LINS1: variants seen among roughly 807,000 people sequenced by gnomAD.
LINS1 encodes the protein lines homolog 1.
LINS1 carries 27 observed loss-of-function variants against 41.6 expected under a neutral mutation model. The observed-to-expected ratio is 0.65, with a 90% CI of 0.48 to 0.89. The LOEUF (loss-of-function observed/expected upper bound fraction) is 0.89. Among genes scored for constraint, LINS1 ranks in the 40% least tolerant of loss-of-function variants. The probability of loss-of-function intolerance (pLI) is 0.00; values close to 1 mark genes in which losing one functional copy is unlikely to be tolerated. For synonymous variants in LINS1, 336 were observed against 312.9 expected (o/e 1.07, Z -0.78); for missense variants, 955 against 884.1 (o/e 1.08, Z -1.02).
At chr15:100,598,680 T>A (rs751040013) in intron 1 of LINS1, among the ~76,000 whole-genome samples, 6 of 152,244 alleles carry the variant, frequency 3.9e-5, no homozygotes, top group Admixed American at 6.5e-5. Context: ...AGGTCTGAAA[T>A]ACAATTTCTC....
Position 100,570,043 on chromosome 15 carries a change from T to C in LINS1, c.1469A>G (p.Asn490Ser). The change falls in exon 7 of 7, where the codon AAT becomes AGT. Residue 490 changes from asparagine (N) to serine (S), a missense_variant. Physicochemically the swap from Asn to Ser is conservative, Grantham distance 46. Transcript: ENST00000314742. Reference sequence around the variant, plus strand: ...GAAGAACAAGAAAATACAGTGAGGATTATAGCCATTTTCATGTGTGTGATG... The same window carrying C: ...GAAGAACAAGAAAATACAGTGAGGACTATAGCCATTTTCATGTGTGTGATG... Reference protein sequence around the residue: ...WDHHTHENGYNPHCIFLFFLK... With the variant: ...WDHHTHENGYSPHCIFLFFLK... 1 of 1,565,564 alleles carries C rather than the reference T, an allele frequency of 6.4e-7. No individual in the cohort carries two copies. Among genetic ancestry groups the C allele is most frequent in the Non-Finnish European group, 8.6e-7 (1 of 1,163,978 alleles).
intron 1 of LINS1, among the ~76,000 whole-genome samples, chr15:100,591,809 G>T (rs1008363000): frequency 1.2e-4 from 18 of 152,142 alleles, no homozygotes; most frequent in African/African-American, 4.3e-4. Flanking sequence ...AGGGGCGAGA[G>T]TTCCATGATT....
chr15:100,581,953 T>G (rs1454685521), intron 1 of LINS1, among the ~76,000 whole-genome samples: 1 of 152,264 alleles, frequency 6.6e-6, no homozygotes. Context: ...ACTTGGTCAT[T>G]TTATATGGGT....
Position 100,570,000 on chromosome 15 carries a change from A to G in LINS1, c.1512T>C (p.Phe504=). 6.4e-7 allele frequency: 1 copy of G among 1,560,830 alleles called. No homozygotes were observed. The highest frequency in any genetic ancestry group is 8.6e-7 in the Non-Finnish European group (1 of 1,156,740). ...AAAAGTCAAGAAGAACTGTGGAATCAAATCCTATATTTTTCAAGAAGAACA... is the reference window on the plus strand; with the variant it reads ...AAAAGTCAAGAAGAACTGTGGAATCGAATCCTATATTTTTCAAGAAGAACA... ...IFLFFLKNIG[F]DSTVLLDFLI... is the part of the protein sequence containing the mutation. Residue 504 remains phenylalanine (F), a synonymous_variant, in exon 7 of 7, where the codon TTT becomes TTC. Transcript: ENST00000314742.
In LINS1 at chr15:100,575,063, A is replaced by G; in HGVS notation, c.555T>C (p.Asn185=). Residue 185 remains asparagine, a synonymous_variant, in exon 4 of 7, where the codon AAT becomes AAC. Coordinates refer to ENST00000314742, the MANE Select transcript of LINS1 (RefSeq NM_001040616.3). ...GAGTCCAGAGGCAGTATATTGCTTT[A>G]TTACTCTCAGAGTATTCAGAAAGAT... ...QKNLSEYSES[N]KAIYCLWTLT... 1 of 1,612,580 alleles carries G rather than the reference A, an allele frequency of 6.2e-7. No individual in the cohort carries two copies. The highest frequency in any genetic ancestry group is 8.5e-7 in the Non-Finnish European group (1 of 1,179,144).
At position 100,572,035 on chromosome 15, in the gene LINS1, A is replaced by G. The variant is rs2141270352; in HGVS notation, c.1253T>C (p.Leu418Pro). The change falls in exon 6 of 7, where the codon CTG (leucine) becomes CCG (proline). Residue 418 changes from leucine (L) to proline (P), a missense_variant. Physicochemically the swap from Leu to Pro is moderately conservative, Grantham distance 98. Coordinates refer to ENST00000314742, the MANE Select transcript of LINS1 (RefSeq NM_001040616.3). Reference sequence around the variant, plus strand: ...CTGAAGATGAGGCTTTAAGAAGGTCAGTAACTCAGACATGAACCTCTGTAA... The same window carrying G: ...CTGAAGATGAGGCTTTAAGAAGGTCGGTAACTCAGACATGAACCTCTGTAA... The part of the protein sequence containing the change: ...VDLQRFMSEL[L>P]TFLKPHLQPS... 6.2e-7 allele frequency: 1 copy of G among 1,614,250 alleles called. No homozygotes were observed. The highest frequency in any genetic ancestry group is 8.5e-7 in the Non-Finnish European group (1 of 1,180,034).
At chr15:100,578,259 T>A (rs892942660) in intron 3 of LINS1, among the ~76,000 whole-genome samples, 1 of 151,898 alleles carries the variant, frequency 6.6e-6, no homozygotes, top group African/African-American at 2.4e-5. Context: ...GGGAGAAAAT[T>A]TTTGCAATCT....
At chr15:100,571,260 A>T (rs1248615791) in intron 6 of LINS1, among the ~76,000 whole-genome samples, 1 of 152,216 alleles carries the variant, frequency 6.6e-6, no homozygotes, top group Non-Finnish European at 1.5e-5. Context: ...AATAAAGCAA[A>T]TATGTGAGGG....
At chr15:100,582,204 T>C (rs60406460) in intron 1 of LINS1, among the ~76,000 whole-genome samples, 12,047 of 142,402 alleles carry the variant, frequency 0.085, 490 homozygotes, top group East Asian at 0.2. Flanking sequence ...CCGTCTACAC[T>C]ATGGCCACTA....
intron 1 of LINS1, among the ~76,000 whole-genome samples, chr15:100,595,651 A>T: frequency 6.6e-6 from 1 of 152,252 alleles, no homozygotes; most frequent in East Asian, 1.9e-4. Flanking sequence ...ATACAAAAAT[A>T]ATCTATTTTC....
At chr15:100,587,210 T>C (rs1280135985) in intron 1 of LINS1, among the ~76,000 whole-genome samples, 1 of 139,562 alleles carries the variant, frequency 7.2e-6, no homozygotes, top group Non-Finnish European at 1.6e-5. Context: ...TTCTTTAATA[T>C]AGTTAAGCCT....
In LINS1 at chr15:100,571,915, C is replaced by T. The variant is rs1216932954; in HGVS notation, c.1373G>A (p.Gly458Asp). The T allele has an allele frequency of 5.6e-6, 9 of 1,614,022 alleles. No individual in the cohort carries two copies. In the African/African-American group the frequency reaches 9.3e-5, roughly 17 times the overall value. The part of the protein sequence containing the change: ...DMLEAAKASL[G>D]IYLTLTRGCE... ...TAACCTGGTCAGTGTTAAGTAGATG[C>T]CCAGTGATGCCTTGGCAGCCTCCAG... Residue 458 changes from glycine (G) to aspartate (D), a missense_variant, in exon 6 of 7, where the codon GGC becomes GAC. By Grantham distance (94) the Gly-to-Asp change is moderately conservative. Coordinates refer to ENST00000314742, the MANE Select transcript of LINS1 (RefSeq NM_001040616.3).
At chr15:100,577,709 T>C (rs1189784411) in intron 3 of LINS1, among the ~76,000 whole-genome samples, 1 of 152,186 alleles carries the variant, frequency 6.6e-6, no homozygotes, top group Admixed American at 6.5e-5. Flanking sequence ...AGAGCCTGCA[T>C]TGCCAAGTCA....
At chr15:100,573,556 TG>T in intron 5 of LINS1, 94 bp downstream of exon 5, 1 of 877,428 alleles carries the variant, frequency 1.1e-6, no homozygotes, top group Non-Finnish European at 1.8e-6. Context: ...CTTAAATTAC[TG>T]GAATTTAAAC....
At chr15:100,578,378 A>G (rs2038318711) in intron 3 of LINS1, among the ~76,000 whole-genome samples, 1 of 152,166 alleles carries the variant, frequency 6.6e-6, no homozygotes, top group Non-Finnish European at 1.5e-5. Flanking sequence ...ATGAACAGAC[A>G]CTTCTCAAAA....
Position 100,580,645 on chromosome 15 carries a change from C to T in LINS1, c.198G>A (p.Val66=). 1 of 1,613,926 alleles carries T rather than the reference C, an allele frequency of 6.2e-7. No individual in the cohort carries two copies. Among genetic ancestry groups the T allele is most frequent in the Non-Finnish European group, 8.5e-7 (1 of 1,179,940 alleles). ...ACACAGGTGCTACAGCAATGGGAGCCACACCAACAGAGATGGGCTGATGCC... is the reference window on the plus strand; with the variant it reads ...ACACAGGTGCTACAGCAATGGGAGCTACACCAACAGAGATGGGCTGATGCC... ...QGRHQPISVG[V]APIAVAPVCL... is the part of the protein sequence containing the mutation. The change falls in exon 2 of 7, where the codon GTG becomes GTA. Residue 66 remains valine, a synonymous_variant. Transcript: ENST00000314742.
chr15:100,591,187 A>C (rs994602565), intron 1 of LINS1, among the ~76,000 whole-genome samples: 1 of 152,184 alleles, frequency 6.6e-6, no homozygotes, highest in African/African-American at 2.4e-5. Flanking sequence ...CAAAAAATAA[A>C]ATAGGAAAAA....
intron 1 of LINS1, among the ~76,000 whole-genome samples, chr15:100,600,551 CAAAAAAAA>C (rs56911211): frequency 0.22 from 17,975 of 80,260 alleles, 2,099 homozygotes; most frequent in Admixed American, 0.44. Flanking sequence ...TGCTGTTAAG[CAAAAAAAA>C]AAAAAAAAAA....
chr15:100,599,384 A>C (rs1242252060), intron 1 of LINS1, among the ~76,000 whole-genome samples: 2 of 152,242 alleles, frequency 1.3e-5, no homozygotes, highest in African/African-American at 4.8e-5. Context: ...AAACTTTGAC[A>C]ATATGATGTT....
Sources: allele counts gnomAD v4.1 joint callset (sites outside exome capture counted in the v4.1 genomes callset), GRCh38; gene constraint gnomAD v4.1.1; transcripts MANE v1.5; gene names NCBI Gene and HGNC (gene_info 2026-07-23, HGNC 2026-07-21).